The following CERT1 variants were observed in gnomAD, a reference collection of about 807,000 sequenced individuals.
CERT1 encodes the protein ceramide transporter 1, also known as ceramide transfer protein.
Under a neutral mutation model 87.9 loss-of-function variants are expected in CERT1, and 31 were observed. The ratio of observed to expected loss-of-function variants is 0.35; its 90% CI spans 0.27 to 0.48. CERT1 has a LOEUF of 0.48. Ranked by LOEUF, CERT1 falls within the 20% of genes least tolerant of loss-of-function variation. CERT1 has a pLI of 0.99. For missense variants in CERT1, 487 were observed against 758.0 expected (o/e 0.64, Z 4.20); for synonymous variants, 289 against 250.9 (o/e 1.15, Z -1.44).
rs1767536617 is a variant in CERT1, at chr5:75,504,012, C to T, written c.231+1970G>A. ...TAAATCCACAGAAACTAGCATGGTA[C>T]TCTAGGAATACTACTACTTAGAGAA... is the stretch of plus-strand genomic sequence containing the variant. On this transcript the variant is annotated intron_variant, in intron 2 of 16. Coordinates refer to ENST00000643780, the MANE Select transcript of CERT1 (RefSeq NM_001379029.1). Among the ~76,000 whole-genome samples the T allele has an allele frequency of 7.0e-5, 7 of 100,398 alleles. No homozygotes were observed. In the South Asian group the frequency reaches 2.4e-3, roughly 34 times the overall value. 65.9% of individuals were successfully genotyped at this position (100,398 alleles called of 152,430 possible).
At chr5:75,455,447 G>C (rs898625637) in intron 3 of CERT1, among the ~76,000 whole-genome samples, 4 of 152,082 alleles carry the variant, frequency 2.6e-5, no homozygotes, top group Non-Finnish European at 2.9e-5. Context: ...GATTGTAATG[G>C]TTCCTATTTT....
Position 75,423,610 on chromosome 5 carries a change from G to A in CERT1, c.595+1751C>T, listed in dbSNP as rs992680756. Reference sequence around the variant, plus strand: ...TTAAAAATTAACCAGATATGACGGTGTATGCCTGTAGTCCTAGCCAGTTCG... The same window carrying A: ...TTAAAAATTAACCAGATATGACGGTATATGCCTGTAGTCCTAGCCAGTTCG... On this transcript the variant is annotated intron_variant, in intron 5 of 16. Transcript: ENST00000643780. Among the ~76,000 whole-genome samples the A allele has an allele frequency of 2.0e-4, 31 of 152,118 alleles. 1 individual carries two copies. The highest frequency in any genetic ancestry group is 1.6e-3 in the Admixed American group (24 of 15,278).
At chr5:75,474,144 C>T (rs1447237859) in intron 2 of CERT1, among the ~76,000 whole-genome samples, 2 of 152,238 alleles carry the variant, frequency 1.3e-5, no homozygotes, top group Admixed American at 6.5e-5. Flanking sequence ...TATAGAAGAA[C>T]GCTGTGAAAC....
intron 8 of CERT1, among the ~76,000 whole-genome samples, chr5:75,405,232 C>G (rs1561238585): frequency 6.6e-6 from 1 of 152,118 alleles, no homozygotes; most frequent in Non-Finnish European, 1.5e-5. Context: ...ATGTTAACAA[C>G]TCTCCTTGAA....
chr5:75,511,858 T>G (rs1369172585), upstream of CERT1: 1 of 1,535,338 alleles, frequency 6.5e-7, no homozygotes, highest in Admixed American at 2.0e-5. Context: ...GGGAAGGGCG[T>G]TGGTCCGTCG....
At chr5:75,443,973 G>C (rs1157368541) in intron 3 of CERT1, among the ~76,000 whole-genome samples, 1 of 152,056 alleles carries the variant, frequency 6.6e-6, no homozygotes, top group Non-Finnish European at 1.5e-5. Flanking sequence ...CTCTCTTTTG[G>C]TTGCTATTTG....
intron 2 of CERT1, among the ~76,000 whole-genome samples, chr5:75,482,547 TCAGA>T (rs902690759): frequency 6.6e-6 from 1 of 152,172 alleles, no homozygotes; most frequent in African/African-American, 2.4e-5. Context: ...CCAGCAGTAG[TCAGA>T]CAGTAGTCAC....
intron 2 of CERT1, among the ~76,000 whole-genome samples, chr5:75,478,381 A>C (rs1335973236): frequency 6.6e-6 from 1 of 152,118 alleles, no homozygotes; most frequent in East Asian, 1.9e-4. Context: ...ATTCAATCAA[A>C]TTTTAGATAT....
At chr5:75,436,924 G>C (rs1032309919) in intron 3 of CERT1, among the ~76,000 whole-genome samples, 1 of 152,070 alleles carries the variant, frequency 6.6e-6, no homozygotes, top group Non-Finnish European at 1.5e-5. Flanking sequence ...CTAATGGCAT[G>C]CAGCAAAGAT....
At chr5:75,451,797 TGAAAGTGTCAAC>T (rs895526147) in intron 3 of CERT1, among the ~76,000 whole-genome samples, 2 of 151,982 alleles carry the variant, frequency 1.3e-5, no homozygotes, top group Non-Finnish European at 1.5e-5. Flanking sequence ...GACAAAAAAA[TGAAAGTGTCAAC>T]TAAGTAGAAA....
At position 75,511,569 on chromosome 5, in the gene CERT1, G is replaced by A; in HGVS notation, c.-362C>T. 1 of 1,458,880 alleles carries A rather than the reference G, an allele frequency of 6.9e-7. No homozygotes were observed. Among genetic ancestry groups the A allele is most frequent in the Non-Finnish European group, 9.0e-7 (1 of 1,107,404 alleles). 90.4% of individuals were successfully genotyped at this position (1,458,880 alleles called of 1,614,324 possible). On this transcript the variant is annotated 5_prime_UTR_variant, in exon 1 of 17. Coordinates refer to ENST00000643780, the MANE Select transcript of CERT1 (RefSeq NM_001379029.1). ...GAAGGGAAGAGAAAATCCGGCCGCTGAGTCCCGCGTCCACTCACACCTCCG... is the reference window on the plus strand; with the variant it reads ...GAAGGGAAGAGAAAATCCGGCCGCTAAGTCCCGCGTCCACTCACACCTCCG...
Position 75,511,322 on chromosome 5 carries a change from C to T in CERT1, c.-115G>A, listed in dbSNP as rs1240577475. On this transcript the variant is annotated 5_prime_UTR_variant, in exon 1 of 17. Coordinates refer to ENST00000643780, the MANE Select transcript of CERT1 (RefSeq NM_001379029.1). ...ATGGCGAAGCGAAGAGTGCCCGCTC[C>T]GGTGTGGGGGGGAGCAGGAGGAGGG... The T allele has an allele frequency of 1.3e-6, 2 of 1,547,370 alleles. No individual in the cohort carries two copies. The highest frequency in any genetic ancestry group is 2.7e-5 in the African/African-American group (2 of 73,142).
At chr5:75,459,030 G>T in intron 3 of CERT1, 35 bp downstream of exon 3, 1 of 1,188,808 alleles carries the variant, frequency 8.4e-7, no homozygotes, top group Non-Finnish European at 1.2e-6. Flanking sequence ...CTCTTACCTA[G>T]TCCTCCATGG....
chr5:75,422,900 T>C (rs528678589), intron 5 of CERT1, among the ~76,000 whole-genome samples: 1 of 152,224 alleles, frequency 6.6e-6, no homozygotes, highest in South Asian at 2.1e-4. Flanking sequence ...TGTGAAGATA[T>C]AGGGAGGCTA....
At chr5:75,387,229 C>A (rs1219398204) in intron 12 of CERT1, among the ~76,000 whole-genome samples, 2 of 152,142 alleles carry the variant, frequency 1.3e-5, no homozygotes, top group Non-Finnish European at 2.9e-5. Context: ...AATCTATTGA[C>A]ACCATGGCAC....
chr5:75,470,462 T>C (rs2112351534), intron 2 of CERT1, among the ~76,000 whole-genome samples: 1 of 152,180 alleles, frequency 6.6e-6, no homozygotes, highest in Non-Finnish European at 1.5e-5. Context: ...CCAACAATGG[T>C]TCAACACAAA....
At chr5:75,480,623 G>T (rs1275404112) in intron 2 of CERT1, among the ~76,000 whole-genome samples, 1 of 152,156 alleles carries the variant, frequency 6.6e-6, no homozygotes. Flanking sequence ...TTACTCAGTT[G>T]CTCTCTCTAT....
At chr5:75,458,314 C>A (rs1765085910) in intron 3 of CERT1, among the ~76,000 whole-genome samples, 1 of 152,086 alleles carries the variant, frequency 6.6e-6, no homozygotes, top group South Asian at 2.1e-4. Flanking sequence ...GATAGCCTCA[C>A]ATTTACAAAG....
intron 2 of CERT1, among the ~76,000 whole-genome samples, chr5:75,475,695 C>CT (rs140992251): frequency 0.071 from 10,522 of 148,804 alleles, 415 homozygotes; most frequent in East Asian, 0.21. Context: ...TAATATTAGC[C>CT]TTTTTTTTTT....
Sources: gnomAD v4.1 joint callset for allele counts (sites outside exome capture counted in the v4.1 genomes callset) on GRCh38, gnomAD v4.1.1 for gene constraint, MANE v1.5 for transcripts, NCBI Gene and HGNC (gene_info 2026-07-23, HGNC 2026-07-21) for gene names.